Variants in CCDC122 observed in about 807,000 individuals in gnomAD.
The protein encoded by CCDC122 is coiled-coil domain containing 122, also known as coiled-coil domain-containing protein 122.
A neutral mutation model predicts 37.0 loss-of-function variants in CCDC122; 38 were observed. The observed-to-expected ratio is 1.03, with a 90% CI of 0.79 to 1.35. The LOEUF is 1.35. Among genes scored for constraint, CCDC122 ranks in the 40% most tolerant of loss-of-function variants. The probability of loss-of-function intolerance (pLI) is 0.00; values close to 1 mark genes in which losing one functional copy is unlikely to be tolerated. For missense variants in CCDC122, 305 were observed against 310.0 expected (o/e 0.98, Z 0.12); for synonymous variants, 83 against 95.6 (o/e 0.87, Z 0.77).
rs1318154690 is a variant in CCDC122 at position 43,859,770 on chromosome 13, G to A, written c.457C>T (p.His153Tyr). 6.3e-7 allele frequency: 1 copy of A among 1,599,260 alleles called. No homozygotes were observed. The highest frequency in any genetic ancestry group is 8.5e-7 in the Non-Finnish European group (1 of 1,175,562). Residue 153 changes from histidine (H) to tyrosine (Y), a missense_variant, in exon 5 of 7, where the codon CAT becomes TAT. By Grantham distance (83) the His-to-Tyr change is moderately conservative. Transcript: ENST00000444614. Reference sequence around the variant, plus strand: ...TTTTTAACAAAATCTCGCTTTTCATGGAGTTCAGTCATAAATGACCATTTG... The same window carrying A: ...TTTTTAACAAAATCTCGCTTTTCATAGAGTTCAGTCATAAATGACCATTTG... ...ESKWSFMTEL[H>Y]EKRDFVKKLK...
At chr13:43,840,271 C>G (rs567230257) in intron 6 of CCDC122, among the ~76,000 whole-genome samples, 27 of 152,158 alleles carry the variant, frequency 1.8e-4, no homozygotes, top group African/African-American at 6.3e-4. Context: ...AAAACACCTA[C>G]TTTTAAATGG....
At chr13:43,819,841 A>C (rs906755757), downstream of CCDC122, among the ~76,000 whole-genome samples, 1 of 152,100 alleles carries the variant, frequency 6.6e-6, no homozygotes, top group African/African-American at 2.4e-5. Context: ...AGATTTTAAA[A>C]TGTGATTTCT....
chr13:43,843,407 C>T (rs1953421175), intron 6 of CCDC122, among the ~76,000 whole-genome samples: 1 of 151,742 alleles, frequency 6.6e-6, no homozygotes, highest in African/African-American at 2.4e-5. Flanking sequence ...TAGGATAATC[C>T]CACTTGGTTA....
At chr13:43,870,849 C>A (rs1168111670) in intron 2 of CCDC122, among the ~76,000 whole-genome samples, 1 of 151,974 alleles carries the variant, frequency 6.6e-6, no homozygotes, top group East Asian at 1.9e-4. Flanking sequence ...GATAGACTAC[C>A]AAGATTATGA....
At chr13:43,837,506 C>A in intron 6 of CCDC122, 77 bp from the exon 7 acceptor site, 1 of 1,303,108 alleles carries the variant, frequency 7.7e-7, no homozygotes, top group Non-Finnish European at 1.0e-6. Context: ...ATTTTGACTA[C>A]TCTAAAGAGG....
downstream of CCDC122, among the ~76,000 whole-genome samples, chr13:43,835,042 A>G (rs1953128825): frequency 2.6e-5 from 4 of 152,236 alleles, no homozygotes; most frequent in South Asian, 8.3e-4. Context: ...TCACAATAGC[A>G]AAGACTTGGA....
chr13:43,871,210 T>C (rs925121872), intron 2 of CCDC122, among the ~76,000 whole-genome samples: 1 of 152,168 alleles, frequency 6.6e-6, no homozygotes, highest in African/African-American at 2.4e-5. Context: ...TTACTCTTTC[T>C]ATTCCCACTA....
At chr13:43,866,503 T>C (rs1954281308) in intron 4 of CCDC122, among the ~76,000 whole-genome samples, 1 of 152,208 alleles carries the variant, frequency 6.6e-6, no homozygotes. Context: ...GGGACTGCAT[T>C]TCATGTATAA....
downstream of CCDC122, among the ~76,000 whole-genome samples, chr13:43,821,110 G>A (rs780237028): frequency 3.0e-4 from 45 of 152,188 alleles, no homozygotes; most frequent in Admixed American, 1.7e-3. Flanking sequence ...ACCTTTGGGA[G>A]TTTCGGAGTT....
chr13:43,863,063 T>C (rs1161372476), intron 4 of CCDC122, among the ~76,000 whole-genome samples: 2 of 152,112 alleles, frequency 1.3e-5, no homozygotes, highest in South Asian at 2.1e-4. Flanking sequence ...ATTCGAACTT[T>C]ACAATTTGAT....
downstream of CCDC122, among the ~76,000 whole-genome samples, chr13:43,823,477 A>C (rs1023562478): frequency 6.6e-6 from 1 of 152,210 alleles, no homozygotes; most frequent in Non-Finnish European, 1.5e-5. Context: ...TTTACCTGAC[A>C]AGTTCCCAGG....
chr13:43,860,800 G>A (rs957436414), intron 4 of CCDC122, among the ~76,000 whole-genome samples: 8 of 152,068 alleles, frequency 5.3e-5, no homozygotes, highest in East Asian at 1.9e-4. Flanking sequence ...CATATCTGCC[G>A]ATGATTCACA....
At chr13:43,836,022 G>C (rs1414925828), downstream of CCDC122, among the ~76,000 whole-genome samples, 1 of 152,086 alleles carries the variant, frequency 6.6e-6, no homozygotes, top group Non-Finnish European at 1.5e-5. Context: ...ATTAATATCA[G>C]GTTTTATATC....
intron 6 of CCDC122, among the ~76,000 whole-genome samples, chr13:43,840,985 T>TCCCA (rs1953332061): frequency 6.6e-6 from 1 of 152,208 alleles, no homozygotes; most frequent in African/African-American, 2.4e-5. Flanking sequence ...GTTTAACTAG[T>TCCCA]CTACAGTCCC....
intron 6 of CCDC122, among the ~76,000 whole-genome samples, chr13:43,853,852 T>A (rs528973547): frequency 6.6e-6 from 1 of 152,280 alleles, no homozygotes; most frequent in East Asian, 1.9e-4. Flanking sequence ...ACCACACAAT[T>A]GCATGGAAAT....
downstream of CCDC122, among the ~76,000 whole-genome samples, chr13:43,822,750 G>A (rs73191944): frequency 0.019 from 2,880 of 152,252 alleles, 37 homozygotes; most frequent in Non-Finnish European, 0.029. Flanking sequence ...GGTTCTGCCA[G>A]GGCACTGCTG....
At chr13:43,857,151 C>A (rs1451514536) in intron 6 of CCDC122, among the ~76,000 whole-genome samples, 18 of 152,064 alleles carry the variant, frequency 1.2e-4, no homozygotes, top group Non-Finnish European at 1.0e-4. Context: ...TCATATTTTT[C>A]TTTATTTCTG....
intron 1 of CCDC122, among the ~76,000 whole-genome samples, chr13:43,875,195 A>T (rs116857652): frequency 6.6e-6 from 1 of 152,226 alleles, no homozygotes. Context: ...GACAGAAGTT[A>T]TATAGACCTT....
chr13:43,833,903 A>G (rs10220157), downstream of CCDC122, among the ~76,000 whole-genome samples: 2,309 of 152,302 alleles, frequency 0.015, 58 homozygotes, highest in African/African-American at 0.053. Flanking sequence ...AAACGCCACT[A>G]AGCAAAAGAG....
Sources: allele counts gnomAD v4.1 joint callset (sites outside exome capture counted in the v4.1 genomes callset), GRCh38; gene constraint gnomAD v4.1.1; transcripts MANE v1.5; gene names NCBI Gene and HGNC (gene_info 2026-07-23, HGNC 2026-07-21).